ATXN1: variants seen among roughly 807,000 people sequenced by gnomAD.
ATXN1 encodes ataxin-1.
ATXN1 carries 8 observed loss-of-function variants against 56.4 expected under a neutral mutation model. The observed-to-expected ratio is 0.14, with a 90% CI of 0.08 to 0.26. The LOEUF (loss-of-function observed/expected upper bound fraction) is 0.26. ATXN1 is among the 10% of genes least tolerant of loss of function. ATXN1 has a pLI of 1.00. For synonymous variants in ATXN1, 514 were observed against 494.6 expected, an observed-to-expected ratio of 1.04 and a Z score of -0.52; for missense variants, 987 against 1,106.5, an observed-to-expected ratio of 0.89 and a Z score of 1.53.
intron 7 of ATXN1, among the ~76,000 whole-genome samples, chr6:16,312,640 C>T (rs1307079847): frequency 6.6e-6 from 1 of 152,150 alleles, no homozygotes; most frequent in African/African-American, 2.4e-5. Context: ...CACCTGAGGT[C>T]AGGAGTTAGA....
chr6:16,339,172 T>C (rs1238258241), intron 6 of ATXN1, among the ~76,000 whole-genome samples: 3 of 152,150 alleles, frequency 2.0e-5, no homozygotes, highest in Admixed American at 6.5e-5. Flanking sequence ...CACAACACGA[T>C]GCAAAGCGCC....
At chr6:16,375,614 C>A (rs1329114328) in intron 6 of ATXN1, among the ~76,000 whole-genome samples, 2 of 152,124 alleles carry the variant, frequency 1.3e-5, no homozygotes, top group Non-Finnish European at 2.9e-5. Context: ...ACCCACTTGT[C>A]ATTTGTAAGT....
intron 7 of ATXN1, among the ~76,000 whole-genome samples, chr6:16,321,348 A>G (rs1055777139): frequency 6.6e-6 from 1 of 152,190 alleles, no homozygotes; most frequent in Non-Finnish European, 1.5e-5. Flanking sequence ...TGATTCTGTC[A>G]TCCTTTGGGA....
intron 6 of ATXN1, among the ~76,000 whole-genome samples, chr6:16,445,892 A>C (rs1338351506): frequency 6.6e-5 from 10 of 150,994 alleles, no homozygotes; most frequent in Admixed American, 6.6e-4. Flanking sequence ...CATGGTGTAT[A>C]TGTGCCACAT....
At chr6:16,452,260 C>A (rs9358093) in intron 6 of ATXN1, among the ~76,000 whole-genome samples, 11,094 of 152,168 alleles carry the variant, frequency 0.073, 660 homozygotes, top group East Asian at 0.26. Context: ...GGGTGTATTG[C>A]TGGCATTCAA....
intron 4 of ATXN1, among the ~76,000 whole-genome samples, chr6:16,574,819 A>G (rs1762394057): frequency 7.0e-6 from 1 of 142,612 alleles, no homozygotes; most frequent in Non-Finnish European, 1.5e-5. Flanking sequence ...TGCACCAAAC[A>G]GGCTTTTTTT....
chr6:16,421,954 T>C (rs898852062), intron 6 of ATXN1, among the ~76,000 whole-genome samples: 1 of 152,248 alleles, frequency 6.6e-6, no homozygotes, highest in East Asian at 1.9e-4. Context: ...TCATGGCCAC[T>C]GCATATGCAT....
At chr6:16,630,439 G>T (rs1763484982) in intron 3 of ATXN1, among the ~76,000 whole-genome samples, 1 of 152,180 alleles carries the variant, frequency 6.6e-6, no homozygotes. Flanking sequence ...CCAAAGGTGT[G>T]CACAGACATA....
Position 16,360,720 on chromosome 6 carries a change from T to A in ATXN1, c.-160-32250A>T, listed in dbSNP as rs185124417. Among the ~76,000 whole-genome samples, 54 of 152,308 alleles carry A rather than the reference T, an allele frequency of 3.5e-4. No individual in the cohort carries two copies. In the East Asian group the frequency reaches 6.0e-3, roughly 17 times the overall value. ...GTAACATATTCAGTGAGAAAGGAGA[T>A]CCTATAAGGTCAGGCAAATTGTTGT... On this transcript the variant is annotated intron_variant, in intron 6 of 7. Transcript: ENST00000436367.
chr6:16,657,420 G>C (rs182215223), intron 3 of ATXN1, among the ~76,000 whole-genome samples: 1 of 152,134 alleles, frequency 6.6e-6, no homozygotes, highest in South Asian at 2.1e-4. Flanking sequence ...ACTTCCTCTC[G>C]TGCGATTAAT....
chr6:16,628,843 C>T (rs778224132), intron 3 of ATXN1, among the ~76,000 whole-genome samples: 5 of 152,172 alleles, frequency 3.3e-5, no homozygotes, highest in Non-Finnish European at 5.9e-5. Context: ...ATATGTACCA[C>T]ATTTTTTTTG....
intron 3 of ATXN1, among the ~76,000 whole-genome samples, chr6:16,589,101 C>T (rs1762678192): frequency 1.3e-5 from 2 of 152,120 alleles, no homozygotes; most frequent in South Asian, 2.1e-4. Flanking sequence ...TTCAAACTCA[C>T]TCAGTCTTCA....
chr6:16,444,082 T>C (rs137915644), intron 6 of ATXN1, among the ~76,000 whole-genome samples: 2,755 of 149,088 alleles, frequency 0.018, 83 homozygotes, highest in South Asian at 0.081. Flanking sequence ...CGCCACTGCA[T>C]TCCAGCCTGG....
chr6:16,662,962 T>C (rs1353452413), intron 2 of ATXN1, among the ~76,000 whole-genome samples: 2 of 141,478 alleles, frequency 1.4e-5, no homozygotes, highest in East Asian at 2.2e-4. Flanking sequence ...CAGTATTTTC[T>C]GTTTGGATTT....
At chr6:16,431,058 G>A (rs554034391) in intron 6 of ATXN1, among the ~76,000 whole-genome samples, 16 of 152,166 alleles carry the variant, frequency 1.1e-4, no homozygotes, top group African/African-American at 3.9e-4. Context: ...GCACATGTAC[G>A]GTATCAGAGA....
intron 3 of ATXN1, among the ~76,000 whole-genome samples, chr6:16,620,081 C>T (rs891378094): frequency 6.6e-6 from 1 of 151,952 alleles, no homozygotes; most frequent in Non-Finnish European, 1.5e-5. Context: ...ATAATAAGAG[C>T]TCATTATATA....
Position 16,306,724 on chromosome 6 carries a change from G to A in ATXN1, c.2053C>T (p.Leu685Phe). Residue 685 changes from leucine (L) to phenylalanine (F), a missense_variant, in exon 8 of 8, where the codon CTT becomes TTT. Around this residue, in one of 3 missense-constraint regions of ATXN1, gnomAD observed 196 missense variants for 196.7 expected, o/e 1.00. Coordinates refer to ENST00000436367, the MANE Select transcript of ATXN1 (RefSeq NM_001128164.2). This position sits in a 1 kb window ranked among gnomAD's most constrained non-coding sequence, Gnocchi z 5.2. ...KLSVGDVCIS[L>F]TLKNLKNGSV... ...CCGTTCTTCAGGTTCTTGAGGGTAA[G>A]CGAGATGCAGACATCCCCAACTGAG... The A allele has an allele frequency of 6.2e-7, 1 of 1,614,078 alleles. No individual in the cohort carries two copies. The highest frequency in any genetic ancestry group is 8.5e-7 in the Non-Finnish European group (1 of 1,180,008).
intron 6 of ATXN1, among the ~76,000 whole-genome samples, chr6:16,350,988 G>A (rs1761553617): frequency 6.6e-6 from 1 of 152,310 alleles, no homozygotes; most frequent in African/African-American, 2.4e-5. Flanking sequence ...GGAGGCTGAG[G>A]TGGGAGGATT....
At chr6:16,624,087 G>A (rs923273205) in intron 3 of ATXN1, among the ~76,000 whole-genome samples, 33 of 152,070 alleles carry the variant, frequency 2.2e-4, no homozygotes, top group Non-Finnish European at 1.2e-4. Context: ...GTGGTGGCTC[G>A]CACCTGTAAT....
Sources: allele counts gnomAD v4.1 joint callset (sites outside exome capture counted in the v4.1 genomes callset), GRCh38; gene constraint gnomAD v4.1.1; regional missense constraint gnomAD v4.1.1; non-coding constraint Gnocchi (gnomAD v3.1); transcripts MANE v1.5; gene names NCBI Gene and HGNC (gene_info 2026-07-23, HGNC 2026-07-21).